Variants in EMP1 observed in about 807,000 individuals in gnomAD.
The protein encoded by EMP1 is tumor-associated membrane protein.
EMP1 carries 5 observed loss-of-function variants against 15.7 expected under a neutral mutation model. That is an observed-to-expected ratio of 0.32 (90% confidence interval 0.17 to 0.67). The LOEUF (loss-of-function observed/expected upper bound fraction) is 0.67, where lower values mean the gene tolerates loss of function less well. Among genes scored for constraint, EMP1 ranks in the 30% least tolerant of loss-of-function variants. EMP1 has a pLI of 0.74. For synonymous variants in EMP1, 78 were observed against 76.7 expected, an observed-to-expected ratio of 1.02 and a Z score of -0.09; for missense variants, 166 against 194.2, an observed-to-expected ratio of 0.85 and a Z score of 0.86.
rs1035333330 is a variant in EMP1 at position 13,219,803 on chromosome 12, CTTAAG to C, written c.*5115_*5119del. 2.6e-5 allele frequency: 4 copies of C among 152,142 alleles called. No individual in the cohort carries two copies. Among genetic ancestry groups the C allele is most frequent in the African/African-American group, 9.7e-5 (4 of 41,424 alleles). The allele number at this position is 152,142 out of a possible 1,614,324, so 9.4% of individuals were successfully genotyped here. A position where few individuals can be genotyped will look rare whatever the true frequency, so the allele number is the denominator to read the frequency against. ...GGAATGTGTTAGTTCTAAAAATTTT[CTTAAG>C]TTGTTTGCTTGGAACTCAGAGTATA... On this transcript the variant is annotated 3_prime_UTR_variant, in exon 5 of 5. Coordinates refer to ENST00000256951, the MANE Select transcript of EMP1 (RefSeq NM_001423.3).
Position 13,200,927 on chromosome 12 carries a change from G to T in EMP1, c.-43+4055G>T, listed in dbSNP as rs528789730. 8.5e-4 allele frequency among the ~76,000 whole-genome samples: 129 copies of T among 152,256 alleles called. 3 individuals are homozygous for T. The South Asian group carries it at 0.011, about 13-fold the overall frequency. On this transcript the variant is annotated intron_variant, in intron 1 of 4. Coordinates refer to ENST00000256951, the MANE Select transcript of EMP1 (RefSeq NM_001423.3). ...TTCATGAATTGTTTCTTCAAACCGG[G>T]TAGTTAAACTAGAGAGCCCTTTCAG...
intron 1 of EMP1, among the ~76,000 whole-genome samples, chr12:13,206,802 G>A (rs1197027149): frequency 6.6e-6 from 1 of 152,160 alleles, no homozygotes; most frequent in South Asian, 2.1e-4. Context: ...GAAAAGGAAA[G>A]GCTCCCATGG....
At position 13,213,514 on chromosome 12, in the gene EMP1, A is replaced by G. The variant is rs1379263940; in HGVS notation, c.114A>G (p.Val38=). The change falls in exon 3 of 5, where the codon GTA becomes GTG. Residue 38 remains valine, a synonymous_variant. Coordinates refer to ENST00000256951, the MANE Select transcript of EMP1 (RefSeq NM_001423.3). Reference sequence around the variant, plus strand: ...TTTCCAATACGGTAGATGCATCAGTAGGTCTTTGGAAAAACTGTACCAACA... The same window carrying G: ...TTTCCAATACGGTAGATGCATCAGTGGGTCTTTGGAAAAACTGTACCAACA... ...WLVSNTVDAS[V]GLWKNCTNIS... is the part of the protein sequence containing the mutation. 6.2e-7 allele frequency: 1 copy of G among 1,614,090 alleles called. No individual in the cohort carries two copies.
In EMP1 at chr12:13,216,525, A is replaced by G. The variant is rs1371657937; in HGVS notation, c.*1834A>G. On this transcript the variant is annotated 3_prime_UTR_variant, in exon 5 of 5. Coordinates refer to ENST00000256951, the MANE Select transcript of EMP1 (RefSeq NM_001423.3). ...CAAAAAACATACTTACATTTCAGACATATCCAAAGGGAATACTCACATTTT... is the reference window on the plus strand; with the variant it reads ...CAAAAAACATACTTACATTTCAGACGTATCCAAAGGGAATACTCACATTTT... The G allele has an allele frequency of 2.9e-6, 2 of 697,306 alleles. No homozygotes were observed. Among genetic ancestry groups the G allele is most frequent in the Non-Finnish European group, 2.6e-6 (1 of 381,786 alleles). The allele number at this position is 697,306 out of a possible 1,614,324, so 43.2% of individuals were successfully genotyped here. A position where few individuals can be genotyped will look rare whatever the true frequency, so the allele number is the denominator to read the frequency against.
chr12:13,212,592 T>C (rs1864175580), intron 2 of EMP1, among the ~76,000 whole-genome samples: 1 of 152,262 alleles, frequency 6.6e-6, no homozygotes, highest in African/African-American at 2.4e-5. Context: ...ATAAATCTGA[T>C]AAGCTTCTTC....
chr12:13,217,798 G>A lies in EMP1; in HGVS notation c.*3107G>A, dbSNP rs558688641. On this transcript the variant is annotated 3_prime_UTR_variant, in exon 5 of 5. Transcript: ENST00000256951. Reference sequence around the variant, plus strand: ...GAGAAACAGAAAAAATAAGATTCGCGTGTGTGTGCAAACATATATATAAAT... The same window carrying A: ...GAGAAACAGAAAAAATAAGATTCGCATGTGTGTGCAAACATATATATAAAT... The A allele has an allele frequency of 3.3e-4, 39 of 116,808 alleles. No homozygotes were observed. The highest frequency in any genetic ancestry group is 1.1e-3 in the Admixed American group (12 of 11,316). The allele number at this position is 116,808 out of a possible 1,614,324, so 7.2% of individuals were successfully genotyped here.
intron 1 of EMP1, among the ~76,000 whole-genome samples, 160 bp downstream of exon 1, chr12:13,197,032 A>G (rs1591703762): frequency 1.3e-5 from 2 of 152,352 alleles, no homozygotes; most frequent in South Asian, 4.1e-4. Flanking sequence ...CTTTTGGCTC[A>G]AAGTGGATAC....
intron 1 of EMP1, among the ~76,000 whole-genome samples, chr12:13,209,880 C>T (rs1332351389): frequency 6.6e-6 from 1 of 152,148 alleles, no homozygotes; most frequent in Non-Finnish European, 1.5e-5. Flanking sequence ...AACCTCTCCC[C>T]TGAAGAGGCA....
At chr12:13,199,377 AG>A (rs763454806) in intron 1 of EMP1, 6 of 152,240 alleles carry the variant, frequency 3.9e-5, no homozygotes, top group Non-Finnish European at 8.8e-5. Context: ...GGGTGGCTCT[AG>A]GGATTTCAGG....
At chr12:13,213,850 T>A (rs1358005444) in intron 4 of EMP1, 29 bp downstream of exon 4, 1 of 1,611,792 alleles carries the variant, frequency 6.2e-7, no homozygotes, top group South Asian at 1.1e-5. Flanking sequence ...GACTCCAGTT[T>A]ACACTTTTAA....
intron 1 of EMP1, among the ~76,000 whole-genome samples, chr12:13,209,831 A>G (rs919577016): frequency 6.6e-6 from 1 of 152,150 alleles, no homozygotes; most frequent in Non-Finnish European, 1.5e-5. Context: ...ATGAATTTGA[A>G]TGTGTGGGGG....
At chr12:13,203,367 G>T (rs1198403916) in intron 1 of EMP1, among the ~76,000 whole-genome samples, 1 of 152,190 alleles carries the variant, frequency 6.6e-6, no homozygotes, top group East Asian at 1.9e-4. Context: ...GCAGTCTGGG[G>T]GAGTAGGCTG....
At chr12:13,212,930 A>G (rs933528148) in intron 2 of EMP1, among the ~76,000 whole-genome samples, 2 of 152,324 alleles carry the variant, frequency 1.3e-5, no homozygotes, top group Admixed American at 6.5e-5. Flanking sequence ...TTTACTATCA[A>G]ATTACTTTGC....
rs1480931880 is a variant in EMP1 at position 13,216,264 on chromosome 12, A to T, written c.*1573A>T. 1.6e-6 allele frequency: 1 copy of T among 637,984 alleles called. No homozygotes were observed. Among genetic ancestry groups the T allele is most frequent in the Non-Finnish European group, 2.8e-6 (1 of 356,612 alleles). 39.5% of individuals were successfully genotyped at this position (637,984 alleles called of 1,614,324 possible). On this transcript the variant is annotated 3_prime_UTR_variant, in exon 5 of 5. Transcript: ENST00000256951. ...TTCTTTATTAGCTTTCTCCTCATCCATTTCTTTTATACCTTTCCTTTTTGG... is the reference window on the plus strand; with the variant it reads ...TTCTTTATTAGCTTTCTCCTCATCCTTTTCTTTTATACCTTTCCTTTTTGG...
intron 1 of EMP1, among the ~76,000 whole-genome samples, chr12:13,210,391 C>A (rs1210500812): frequency 6.6e-6 from 1 of 152,200 alleles, no homozygotes; most frequent in African/African-American, 2.4e-5. Flanking sequence ...TTAGGCATGA[C>A]AAAGCTCTCC....
rs971409860 is a variant in EMP1, at chr12:13,218,075, G to A, written c.*3384G>A. ...TGTGCAAATTATGAGTATAAAGAGG[G>A]TGAGCTACAGAACTCTCCATGACCA... On this transcript the variant is annotated 3_prime_UTR_variant, in exon 5 of 5. Coordinates refer to ENST00000256951, the MANE Select transcript of EMP1 (RefSeq NM_001423.3). 1.3e-5 allele frequency: 2 copies of A among 152,160 alleles called. No individual in the cohort carries two copies. Among genetic ancestry groups the A allele is most frequent in the African/African-American group, 4.8e-5 (2 of 41,430 alleles). The allele number at this position is 152,160 out of a possible 1,614,324, so 9.4% of individuals were successfully genotyped here. A position where few individuals can be genotyped will look rare whatever the true frequency, so the allele number is the denominator to read the frequency against.
chr12:13,198,912 A>C (rs1410420269), intron 1 of EMP1, among the ~76,000 whole-genome samples: 1 of 152,076 alleles, frequency 6.6e-6, no homozygotes, highest in Non-Finnish European at 1.5e-5. Context: ...TCTGGATTTC[A>C]GCTTTGACAA....
intron 1 of EMP1, among the ~76,000 whole-genome samples, chr12:13,198,659 G>T (rs868759427): frequency 2.6e-5 from 4 of 152,300 alleles, no homozygotes; most frequent in Middle Eastern, 3.4e-3. Context: ...TTAGTTCTGT[G>T]CAGGTTAAAA....
At chr12:13,207,766 G>A (rs1864124858) in intron 1 of EMP1, among the ~76,000 whole-genome samples, 1 of 152,140 alleles carries the variant, frequency 6.6e-6, no homozygotes, top group Non-Finnish European at 1.5e-5. Context: ...CACTCACAGT[G>A]GTGGGTACAG....
Sources: gnomAD v4.1 joint callset for allele counts (sites outside exome capture counted in the v4.1 genomes callset) on GRCh38, gnomAD v4.1.1 for gene constraint, MANE v1.5 for transcripts, NCBI Gene and HGNC (gene_info 2026-07-23, HGNC 2026-07-21) for gene names.